Variants in CNOT7 observed in about 807,000 individuals in gnomAD.
CNOT7 encodes the protein CCR4-NOT transcription complex subunit 7.
CNOT7 carries 4 observed loss-of-function variants against 37.1 expected under a neutral mutation model. That is an observed-to-expected ratio of 0.11 (90% CI 0.05 to 0.25). The LOEUF (loss-of-function observed/expected upper bound fraction) is 0.25. Among genes scored for constraint, CNOT7 ranks in the 10% least tolerant of loss-of-function variants. The pLI is 1.00. For synonymous variants in CNOT7, 128 were observed against 115.6 expected (o/e 1.11, Z -0.69); for missense variants, 170 against 336.2 (o/e 0.51, Z 3.87).
At chr8:17,240,427 C>T (rs971404035) in intron 3 of CNOT7, among the ~76,000 whole-genome samples, 2 of 151,826 alleles carry the variant, frequency 1.3e-5, no homozygotes, top group Non-Finnish European at 2.9e-5. Flanking sequence ...AATTCTTCCT[C>T]TAGTGTGGCC....
Position 17,229,218 on chromosome 8 carries a change from G to C in CNOT7, c.*1502C>G, listed in dbSNP as rs1268138789. The stretch of plus-strand genomic sequence containing the variant: ...AAGTATTTCCAAAAGAAAATCACCA[G>C]TCATCAACATTTATAAGAAAACATT... On this transcript the variant is annotated 3_prime_UTR_variant, in exon 7 of 7. Transcript: ENST00000361272. The C allele has an allele frequency of 6.6e-6, 1 of 151,900 alleles. No individual in the cohort carries two copies. The highest frequency in any genetic ancestry group is 2.4e-5 in the African/African-American group (1 of 41,408). 9.4% of individuals were successfully genotyped at this position (151,900 alleles called of 1,614,324 possible). A position where few individuals can be genotyped will look rare whatever the true frequency, so the allele number is the denominator to read the frequency against.
At chr8:17,231,547 A>C in intron 6 of CNOT7, 2 of 985,172 alleles carry the variant, frequency 2.0e-6, no homozygotes, top group South Asian at 9.4e-5. Flanking sequence ...TTCTATTATC[A>C]ATACATTGCT....
rs61036000 is a variant in CNOT7, at chr8:17,226,029, C to CTTTTTTTTTTTTTTTTTTTTTTTTTTT, written c.*4690_*4691insAAAAAAAAAAAAAAAAAAAAAAAAAAA. The CTTTTTTTTTTTTTTTTTTTTTTTTTTT allele has an allele frequency of 1.7e-5, 1 of 58,704 alleles. No individual in the cohort carries two copies. The highest frequency in any genetic ancestry group is 6.6e-5 in the African/African-American group (1 of 15,068). 3.6% of individuals were successfully genotyped at this position (58,704 alleles called of 1,614,324 possible). ...TCTTCTAGTAGAGAGGTGGACAAGC[C>CTTTTTTTTTTTTTTTTTTTTTTTTTTT]TTTTTTTTTTTTTTTTTTTTTTTTT... On this transcript the variant is annotated 3_prime_UTR_variant, in exon 7 of 7. Coordinates refer to ENST00000361272, the MANE Select transcript of CNOT7 (RefSeq NM_013354.7).
At chr8:17,243,248 T>C in intron 2 of CNOT7, 63 bp from the exon 3 acceptor site, 2 of 1,287,020 alleles carry the variant, frequency 1.6e-6, no homozygotes. Flanking sequence ...CACACATTTT[T>C]AATTTTTGAT....
At chr8:17,236,939 C>T (rs1809445059) in intron 4 of CNOT7, among the ~76,000 whole-genome samples, 1 of 152,142 alleles carries the variant, frequency 6.6e-6, no homozygotes, top group Admixed American at 6.5e-5. Context: ...TTCCAAATGG[C>T]GCCGCTGGAT....
At chr8:17,235,281 C>A (rs561554128) in intron 4 of CNOT7, among the ~76,000 whole-genome samples, 4 of 152,172 alleles carry the variant, frequency 2.6e-5, no homozygotes, top group Non-Finnish European at 4.4e-5. Context: ...AGCAAGAGAA[C>A]TGGCATTCGG....
At chr8:17,244,892 T>C (rs2151011542) in intron 2 of CNOT7, 144 bp downstream of exon 2, 1 of 664,146 alleles carries the variant, frequency 1.5e-6, no homozygotes, top group Admixed American at 2.8e-5. Flanking sequence ...CTGATGGATT[T>C]TGGCTGGAGG....
rs575912249 is a variant in CNOT7, at chr8:17,239,989, A to G, written c.312-2616T>C. Among the ~76,000 whole-genome samples the G allele has an allele frequency of 3.9e-3, 599 of 152,350 alleles. 5 individuals are homozygous for G. The highest frequency in any genetic ancestry group is 0.014 in the African/African-American group (574 of 41,572). ...TAGACTTAGGCAATAGAGAGAAAACAGAAGAGTTACAAAACACTGAGTTAT... is the reference window on the plus strand; with the variant it reads ...TAGACTTAGGCAATAGAGAGAAAACGGAAGAGTTACAAAACACTGAGTTAT... On this transcript the variant is annotated intron_variant, in intron 3 of 6. Transcript: ENST00000361272.
At chr8:17,233,271 C>T (rs1362366646) in intron 5 of CNOT7, among the ~76,000 whole-genome samples, 1 of 152,184 alleles carries the variant, frequency 6.6e-6, no homozygotes, top group Non-Finnish European at 1.5e-5. Context: ...TCTTCTCTAA[C>T]TTGTTAAGGC....
intron 2 of CNOT7, chr8:17,243,694 A>G (rs993346729): frequency 4.2e-5 from 19 of 455,238 alleles, no homozygotes; most frequent in Non-Finnish European, 6.6e-5. Flanking sequence ...CACAGAAAGC[A>G]TGCTGTCAAG....
chr8:17,229,710 G>A lies in CNOT7; in HGVS notation c.*1010C>T, dbSNP rs1808394802. On this transcript the variant is annotated 3_prime_UTR_variant, in exon 7 of 7. Coordinates refer to ENST00000361272, the MANE Select transcript of CNOT7 (RefSeq NM_013354.7). Reference sequence around the variant, plus strand: ...CATTATTTACCTTTGTAGCAACTATGAAAGCACAATTTTTGTCTTCTAATT... The same window carrying A: ...CATTATTTACCTTTGTAGCAACTATAAAAGCACAATTTTTGTCTTCTAATT... The A allele has an allele frequency of 6.6e-6, 1 of 151,508 alleles. No individual in the cohort carries two copies. 9.4% of individuals were successfully genotyped at this position (151,508 alleles called of 1,614,324 possible). A position where few individuals can be genotyped will look rare whatever the true frequency, so the allele number is the denominator to read the frequency against.
At chr8:17,238,858 TCTTA>T (rs778689306) in intron 3 of CNOT7, among the ~76,000 whole-genome samples, 12 of 152,190 alleles carry the variant, frequency 7.9e-5, no homozygotes, top group Admixed American at 3.3e-4. Context: ...TGAAGATCTT[TCTTA>T]CTTAGACTAC....
At chr8:17,232,912 A>T (rs902165386) in intron 5 of CNOT7, among the ~76,000 whole-genome samples, 1 of 152,074 alleles carries the variant, frequency 6.6e-6, no homozygotes, top group African/African-American at 2.4e-5. Flanking sequence ...GTATAACACC[A>T]TTTTTTTCAT....
intron 5 of CNOT7, 34 bp downstream of exon 5, chr8:17,234,682 G>A (rs1353952031): frequency 1.2e-6 from 2 of 1,610,550 alleles, no homozygotes; most frequent in Non-Finnish European, 1.7e-6. Context: ...TCTGAACAGT[G>A]TGCTGCTGTA....
At position 17,230,556 on chromosome 8, in the gene CNOT7, C is replaced by A; in HGVS notation, c.*164G>T. The A allele has an allele frequency of 7.2e-6, 3 of 417,216 alleles. No homozygotes were observed. The highest frequency in any genetic ancestry group is 7.8e-5 in the East Asian group (2 of 25,544). 25.8% of individuals were successfully genotyped at this position (417,216 alleles called of 1,614,324 possible). A position where few individuals can be genotyped will look rare whatever the true frequency, so the allele number is the denominator to read the frequency against. On this transcript the variant is annotated 3_prime_UTR_variant, in exon 7 of 7. Coordinates refer to ENST00000361272, the MANE Select transcript of CNOT7 (RefSeq NM_013354.7). Reference sequence around the variant, plus strand: ...TTTTTTTTTTTCTTTTTATTAAGATCTGAGATAGGAACGGTCATACTTAGT... The same window carrying A: ...TTTTTTTTTTTCTTTTTATTAAGATATGAGATAGGAACGGTCATACTTAGT...
intron 2 of CNOT7, chr8:17,243,462 G>GT (rs953128971): frequency 1.8e-6 from 1 of 559,646 alleles, no homozygotes; most frequent in Non-Finnish European, 3.4e-6. Flanking sequence ...AGAAAGGGGG[G>GT]AAAATCATAA....
At chr8:17,233,231 G>C (rs1288681993) in intron 5 of CNOT7, among the ~76,000 whole-genome samples, 2 of 152,142 alleles carry the variant, frequency 1.3e-5, no homozygotes, top group Non-Finnish European at 2.9e-5. Context: ...AGAGCGTGAA[G>C]GAAAGAAACA....
Position 17,230,867 on chromosome 8 carries a change from G to GAA in CNOT7, c.730-21_730-20dup. 1.8e-5 allele frequency: 25 copies of GAA among 1,390,230 alleles called. No homozygotes were observed. The highest frequency in any genetic ancestry group is 5.2e-5 in the East Asian group (2 of 38,590). 86.1% of individuals were successfully genotyped at this position (1,390,230 alleles called of 1,614,324 possible). ...AGAACATCTAAAAAGGAATTTTGAAGAAAAAAAAAAGATAATTTTAACCAA... is the reference window on the plus strand; with the variant it reads ...AGAACATCTAAAAAGGAATTTTGAAGAAAAAAAAAAAAGATAATTTTAACCAA... On this transcript the variant is annotated intron_variant, in intron 6 of 6. Transcript: ENST00000361272.
rs903947044 is a variant in CNOT7, at chr8:17,225,677, T to G, written c.*5043A>C. On this transcript the variant is annotated 3_prime_UTR_variant, in exon 7 of 7. Transcript: ENST00000361272. Reference sequence around the variant, plus strand: ...CCTGAAATGAAAATTCTGCAGGATTTGGATGTGTACAGTCCTACGTTTCTA... The same window carrying G: ...CCTGAAATGAAAATTCTGCAGGATTGGGATGTGTACAGTCCTACGTTTCTA... The G allele has an allele frequency of 6.6e-6, 1 of 151,788 alleles. No individual in the cohort carries two copies. The highest frequency in any genetic ancestry group is 1.5e-5 in the Non-Finnish European group (1 of 67,730). 9.4% of individuals were successfully genotyped at this position (151,788 alleles called of 1,614,324 possible).
Sources: gnomAD v4.1 joint callset for allele counts (sites outside exome capture counted in the v4.1 genomes callset) on GRCh38, gnomAD v4.1.1 for gene constraint, MANE v1.5 for transcripts, NCBI Gene and HGNC (gene_info 2026-07-23, HGNC 2026-07-21) for gene names.